The following CA13 variants were observed in gnomAD, a reference collection of about 807,000 sequenced individuals.
CA13 encodes the protein carbonic anhydrase 13.
Under a neutral mutation model 31.5 loss-of-function variants are expected in CA13, and 21 were observed. The ratio of observed to expected loss-of-function variants is 0.67; its 90% CI spans 0.47 to 0.96. The LOEUF (loss-of-function observed/expected upper bound fraction) is 0.96, where lower values mean the gene tolerates loss of function less well. Ranked by LOEUF, CA13 falls within the 40% of genes least tolerant of loss-of-function variation. CA13 has a pLI of 0.00. For synonymous variants in CA13, 117 were observed against 111.4 expected (o/e 1.05, Z -0.32); for missense variants, 315 against 318.9 (o/e 0.99, Z 0.09).
Position 85,282,883 on chromosome 8 carries a change from ATTTG to A in CA13, c.*1538_*1541del, listed in dbSNP as rs1807728957. ...TACCTGAGTTTCCTTGATTTGGAAGATTTGTTTCTTTTATCTCTCTTCCTCTGGA... is the reference window on the plus strand; with the variant it reads ...TACCTGAGTTTCCTTGATTTGGAAGATTTCTTTTATCTCTCTTCCTCTGGA... On this transcript the variant is annotated 3_prime_UTR_variant, in exon 7 of 7. Transcript: ENST00000321764. The A allele has an allele frequency of 6.6e-6, 1 of 150,952 alleles. No homozygotes were observed. The allele number at this position is 150,952 out of a possible 1,614,324, so 9.4% of individuals were successfully genotyped here. A position where few individuals can be genotyped will look rare whatever the true frequency, so the allele number is the denominator to read the frequency against.
chr8:85,258,944 AAGT>A lies in CA13; in HGVS notation c.236-476_236-474del, dbSNP rs1587537910. 2.6e-5 allele frequency among the ~76,000 whole-genome samples: 4 copies of A among 151,746 alleles called. No homozygotes were observed. The East Asian group carries it at 7.7e-4, about 29-fold the overall frequency. On this transcript the variant is annotated intron_variant, in intron 2 of 6. Coordinates refer to ENST00000321764, the MANE Select transcript of CA13 (RefSeq NM_198584.3). ...CTTGTCTCAAGGAAAAAAAAAAAAG[AAGT>A]TAGAGTTTGTTCAAGATCACATAAT...
At chr8:85,249,508 A>AG (rs1265330530) in intron 1 of CA13, among the ~76,000 whole-genome samples, 1 of 151,854 alleles carries the variant, frequency 6.6e-6, no homozygotes, top group Non-Finnish European at 1.5e-5. Flanking sequence ...AAAAAAAAAA[A>AG]AAGATTTAGA....
At chr8:85,274,924 C>T (rs1256278810) in intron 6 of CA13, among the ~76,000 whole-genome samples, 2 of 152,178 alleles carry the variant, frequency 1.3e-5, no homozygotes, top group South Asian at 2.1e-4. Context: ...AGGGTGTTGC[C>T]TGCCTGCTTT....
At chr8:85,276,172 C>T (rs1463837522) in intron 6 of CA13, among the ~76,000 whole-genome samples, 3 of 152,140 alleles carry the variant, frequency 2.0e-5, no homozygotes, top group African/African-American at 4.8e-5. Flanking sequence ...GGGCCGGCCC[C>T]GCGGACCCCG....
chr8:85,273,559 T>A (rs571193776), intron 6 of CA13, among the ~76,000 whole-genome samples: 1 of 152,136 alleles, frequency 6.6e-6, no homozygotes, highest in African/African-American at 2.4e-5. Context: ...GGCCACTTGC[T>A]CCAGCAGCGT....
At chr8:85,258,759 C>CAAAAAAAAAAAAA (rs33933991) in intron 2 of CA13, among the ~76,000 whole-genome samples, 1 of 43,480 alleles carries the variant, frequency 2.3e-5, no homozygotes, top group Non-Finnish European at 3.6e-5. Context: ...CCTGTCTCTA[C>CAAAAAAAAAAAAA]AAAAAAAAAA....
rs149315274 is a variant in CA13 at position 85,281,304 on chromosome 8, A to C, written c.744A>C (p.Pro248=). Reference sequence around the variant, plus strand: ...CTTTTCTGGTGAGCAATCACCGCCCACCACAGCCTCTAAAGGGCCGCAAAG... The same window carrying C: ...CTTTTCTGGTGAGCAATCACCGCCCCCCACAGCCTCTAAAGGGCCGCAAAG... ...AAAFLVSNHR[P]PQPLKGRKVR... Residue 248 remains proline (P), a synonymous_variant, in exon 7 of 7, where the codon CCA becomes CCC. Transcript: ENST00000321764. The C allele has an allele frequency of 1.2e-6, 2 of 1,614,040 alleles. No individual in the cohort carries two copies. Among genetic ancestry groups the C allele is most frequent in the South Asian group, 2.2e-5 (2 of 91,074 alleles).
chr8:85,268,371 T>C, intron 5 of CA13, 101 bp from the exon 6 acceptor site: 2 of 991,666 alleles, frequency 2.0e-6, no homozygotes, highest in Non-Finnish European at 3.1e-6. Context: ...ATATTCTGTA[T>C]TGTTTATGGA....
intron 3 of CA13, among the ~76,000 whole-genome samples, chr8:85,263,430 A>G (rs1807412849): frequency 6.6e-6 from 1 of 152,176 alleles, no homozygotes; most frequent in African/African-American, 2.4e-5. Flanking sequence ...ATGTTGAAGT[A>G]GGGAGAAAAA....
At chr8:85,248,733 G>A (rs1813774310) in intron 1 of CA13, among the ~76,000 whole-genome samples, 1 of 152,036 alleles carries the variant, frequency 6.6e-6, no homozygotes, top group African/African-American at 2.4e-5. Flanking sequence ...ATTTTATTTT[G>A]GTTTGACTTC....
At chr8:85,279,928 A>G (rs1445514599) in intron 6 of CA13, among the ~76,000 whole-genome samples, 1 of 152,128 alleles carries the variant, frequency 6.6e-6, no homozygotes, top group Non-Finnish European at 1.5e-5. Context: ...ATGAAACATG[A>G]GTAATAGTAC....
At chr8:85,257,705 CA>C (rs71273928) in intron 2 of CA13, among the ~76,000 whole-genome samples, 21 of 142,546 alleles carry the variant, frequency 1.5e-4, no homozygotes, top group Admixed American at 4.2e-4. Context: ...GACCTTGTCT[CA>C]AAAAAAAAAA....
chr8:85,276,796 A>C (rs545708111), intron 6 of CA13, among the ~76,000 whole-genome samples: 1 of 152,088 alleles, frequency 6.6e-6, no homozygotes, highest in Admixed American at 6.5e-5. Flanking sequence ...GCACCAGTCG[A>C]CACTCTGTAT....
rs537200968 is a variant in CA13 at position 85,245,480 on chromosome 8, A to G, written c.-349A>G. ...CTCATTCACTTCCTGGAAGTCCTCT[A>G]GGCAACACTTTCCTCTCCCGAGTGA... On this transcript the variant is annotated 5_prime_UTR_variant, in exon 1 of 7. Transcript: ENST00000321764. The G allele has an allele frequency of 3.5e-6, 1 of 287,528 alleles. No individual in the cohort carries two copies. Among genetic ancestry groups the G allele is most frequent in the East Asian group, 9.4e-5 (1 of 10,662 alleles). The allele number at this position is 287,528 out of a possible 1,614,324, so 17.8% of individuals were successfully genotyped here.
intron 2 of CA13, among the ~76,000 whole-genome samples, chr8:85,258,590 G>A (rs977480393): frequency 4.0e-5 from 6 of 151,782 alleles, no homozygotes; most frequent in African/African-American, 1.5e-4. Flanking sequence ...ACAGCATTAG[G>A]AGGAGGTCCC....
intron 6 of CA13, among the ~76,000 whole-genome samples, chr8:85,272,901 A>G (rs1807547719): frequency 1.3e-5 from 2 of 151,858 alleles, no homozygotes; most frequent in African/African-American, 2.4e-5. Flanking sequence ...CACTGTAACC[A>G]CCACCTCCCG....
At chr8:85,264,102 C>T (rs949045738) in intron 3 of CA13, among the ~76,000 whole-genome samples, 1 of 152,040 alleles carries the variant, frequency 6.6e-6, no homozygotes, top group Non-Finnish European at 1.5e-5. Flanking sequence ...AGTTTTATCC[C>T]AAAAGTTAGG....
At chr8:85,271,193 G>A (rs966863937) in intron 6 of CA13, among the ~76,000 whole-genome samples, 1 of 152,162 alleles carries the variant, frequency 6.6e-6, no homozygotes, top group African/African-American at 2.4e-5. Flanking sequence ...AACCCAGTCA[G>A]GGGACATTCT....
intron 2 of CA13, 100 bp from the exon 3 acceptor site, chr8:85,259,321 G>A: frequency 3.4e-6 from 3 of 882,106 alleles, no homozygotes; most frequent in South Asian, 1.5e-5. Flanking sequence ...ATTCCTTGGA[G>A]GACATGGATG....
Sources: allele counts gnomAD v4.1 joint callset (sites outside exome capture counted in the v4.1 genomes callset), GRCh38; gene constraint gnomAD v4.1.1; transcripts MANE v1.5; gene names NCBI Gene and HGNC (gene_info 2026-07-23, HGNC 2026-07-21).